The following IAPP variants were observed in gnomAD, a reference collection of about 807,000 sequenced individuals.
IAPP encodes the protein islet amyloid polypeptide, also known as Islet amyloid polypeptide (diabetes-associated peptide; amylin).
Under a neutral mutation model 2.9 loss-of-function variants are expected in IAPP, and 4 were observed. That is an observed-to-expected ratio of 1.39 (90% CI 0.69 to 3.19). The LOEUF is 3.19. Ranked by LOEUF, IAPP falls within the 30% of genes most tolerant of loss-of-function variation. The pLI is 0.01. For missense variants in IAPP, 114 were observed against 105.3 expected, an observed-to-expected ratio of 1.08 and a Z score of -0.36; for synonymous variants, 40 against 42.1, an observed-to-expected ratio of 0.95 and a Z score of 0.19.
chr12:21,376,604 G>C (rs942834762), intron 2 of IAPP, among the ~76,000 whole-genome samples: 12 of 151,946 alleles, frequency 7.9e-5, no homozygotes, highest in African/African-American at 2.9e-4. Flanking sequence ...CAAGTATCCA[G>C]TTCACCTAAT....
intron 1 of IAPP, among the ~76,000 whole-genome samples, chr12:21,361,606 G>A (rs1179990319): frequency 6.6e-6 from 1 of 152,136 alleles, no homozygotes. Flanking sequence ...AGCTAAAGGA[G>A]GATGTTTGAA....
At chr12:21,372,247 T>C (rs184165672), upstream of IAPP, among the ~76,000 whole-genome samples, 1 of 152,292 alleles carries the variant, frequency 6.6e-6, no homozygotes, top group East Asian at 1.9e-4. Flanking sequence ...TACATATACC[T>C]ATGGATCTCT....
intron 1 of IAPP, among the ~76,000 whole-genome samples, chr12:21,364,812 T>C (rs950470068): frequency 6.6e-6 from 1 of 152,152 alleles, no homozygotes; most frequent in South Asian, 2.1e-4. Context: ...TCAAAGAGAA[T>C]AAAATACCTA....
At chr12:21,364,216 A>C (rs1939183263) in intron 1 of IAPP, among the ~76,000 whole-genome samples, 1 of 152,236 alleles carries the variant, frequency 6.6e-6, no homozygotes, top group African/African-American at 2.4e-5. Context: ...AGTTGGCTTC[A>C]TCCCTGGGAT....
chr12:21,368,804 A>G (rs922670647), upstream of IAPP, among the ~76,000 whole-genome samples: 2 of 152,152 alleles, frequency 1.3e-5, no homozygotes. Context: ...ATGTACACCT[A>G]ATATTGATAT....
At chr12:21,377,026 T>G (rs1180140409) in intron 2 of IAPP, among the ~76,000 whole-genome samples, 1 of 152,128 alleles carries the variant, frequency 6.6e-6, no homozygotes, top group Non-Finnish European at 1.5e-5. Context: ...AAAAATAGAG[T>G]TGGTATACAA....
chr12:21,356,061 A>G (rs1401024079), intron 1 of IAPP, among the ~76,000 whole-genome samples: 3 of 152,108 alleles, frequency 2.0e-5, no homozygotes, highest in African/African-American at 7.2e-5. Context: ...AAGACCCTGT[A>G]TAATGTAGTG....
intron 2 of IAPP, 133 bp downstream of exon 2, chr12:21,373,564 C>G (rs1939959392): frequency 1.4e-6 from 1 of 720,764 alleles, no homozygotes; most frequent in South Asian, 1.5e-5. Context: ...TTCAGCTATT[C>G]CATTGTTCCT....
At chr12:21,363,065 T>C (rs145459905) in intron 1 of IAPP, among the ~76,000 whole-genome samples, 7,864 of 152,182 alleles carry the variant, frequency 0.052, 286 homozygotes, top group Non-Finnish European at 0.079. Flanking sequence ...TCTACAGAAC[T>C]CTCCACCCCA....
Position 21,378,798 on chromosome 12 carries a change from C to T in IAPP, c.*372C>T. 1 of 187,490 alleles carries T rather than the reference C, an allele frequency of 5.3e-6. No individual in the cohort carries two copies. Among genetic ancestry groups the T allele is most frequent in the Non-Finnish European group, 1.1e-5 (1 of 88,790 alleles). The allele number at this position is 187,490 out of a possible 1,614,324, so 11.6% of individuals were successfully genotyped here. On this transcript the variant is annotated 3_prime_UTR_variant, in exon 3 of 3. Coordinates refer to ENST00000240652, the MANE Select transcript of IAPP (RefSeq NM_000415.3). Reference sequence around the variant, plus strand: ...GACATGAGAAAATCAGTAATTGGACCAGGCGCGGTGGCTCTTGCCTGTAAT... The same window carrying T: ...GACATGAGAAAATCAGTAATTGGACTAGGCGCGGTGGCTCTTGCCTGTAAT...
At chr12:21,372,230 A>C (rs1276401346), upstream of IAPP, among the ~76,000 whole-genome samples, 2 of 152,158 alleles carry the variant, frequency 1.3e-5, no homozygotes, top group Non-Finnish European at 1.5e-5. Flanking sequence ...TCCAAAAACT[A>C]CTTGACTACA....
At chr12:21,373,249 T>A (rs1939930139) in intron 1 of IAPP, 88 bp from the exon 2 acceptor site, 1 of 840,458 alleles carries the variant, frequency 1.2e-6, no homozygotes. Flanking sequence ...AAAAGATGTT[T>A]CTTTTAAAAA....
Position 21,378,397 on chromosome 12 carries a change from A to C in IAPP, c.241A>C (p.Arg81=). The change falls in exon 3 of 3, where the codon AGA becomes CGA. Residue 81 remains arginine, a synonymous_variant. Coordinates refer to ENST00000240652, the MANE Select transcript of IAPP (RefSeq NM_000415.3). ...GKRNAVEVLK[R]EPLNYLPL ...GAGGAATGCAGTAGAGGTTTTAAAG[A>C]GAGAGCCACTGAATTACTTGCCCCT... 7 of 1,614,102 alleles carry C rather than the reference A, an allele frequency of 4.3e-6. No individual in the cohort carries two copies. The highest frequency in any genetic ancestry group is 5.9e-6 in the Non-Finnish European group (7 of 1,179,926).
chr12:21,374,214 T>A (rs1940020040), intron 2 of IAPP, among the ~76,000 whole-genome samples: 1 of 152,152 alleles, frequency 6.6e-6, no homozygotes, highest in South Asian at 2.1e-4. Context: ...ACTCTTAGAG[T>A]AGTTAAAATT....
At chr12:21,369,615 A>C (rs957881313), upstream of IAPP, among the ~76,000 whole-genome samples, 2 of 152,200 alleles carry the variant, frequency 1.3e-5, no homozygotes, top group Non-Finnish European at 2.9e-5. Context: ...GATGTTTTAA[A>C]GTTGCGGGAC....
At chr12:21,373,224 G>A (rs1939927747) in intron 1 of IAPP, 113 bp from the exon 2 acceptor site, 1 of 732,502 alleles carries the variant, frequency 1.4e-6, no homozygotes, top group Admixed American at 2.2e-5. Flanking sequence ...TTTGATCCTT[G>A]TAAATTACGT....
rs1939959895 is a variant in IAPP at position 21,373,579 on chromosome 12, T to A, written c.80+148T>A. 3 of 709,022 alleles carry A rather than the reference T, an allele frequency of 4.2e-6. No individual in the cohort carries two copies. The South Asian group carries it at 4.4e-5, about 10-fold the overall frequency. The allele number at this position is 709,022 out of a possible 1,614,324, so 43.9% of individuals were successfully genotyped here. A position where few individuals can be genotyped will look rare whatever the true frequency, so the allele number is the denominator to read the frequency against. On this transcript the variant is annotated intron_variant, in intron 2 of 2. Transcript: ENST00000240652. ...TTCAGCTATTCCATTGTTCCTTGAA[T>A]TCTGTGTTCTTTAAAGAATAACACC...
chr12:21,358,750 G>T (rs1938575799), intron 1 of IAPP, among the ~76,000 whole-genome samples: 1 of 134,148 alleles, frequency 7.5e-6, no homozygotes, highest in African/African-American at 2.9e-5. Flanking sequence ...CGGTTTGTTG[G>T]AGATACTTTT....
At chr12:21,368,519 T>C (rs1382076089), upstream of IAPP, among the ~76,000 whole-genome samples, 1 of 152,132 alleles carries the variant, frequency 6.6e-6, no homozygotes, top group African/African-American at 2.4e-5. Context: ...AATGAATATT[T>C]ATATTAAGGA....
Sources: gnomAD v4.1 joint callset for allele counts (sites outside exome capture counted in the v4.1 genomes callset) on GRCh38, gnomAD v4.1.1 for gene constraint, MANE v1.5 for transcripts, NCBI Gene and HGNC (gene_info 2026-07-23, HGNC 2026-07-21) for gene names.